Variants in CENPC observed in about 807,000 individuals in gnomAD.
CENPC encodes centromere protein C.
A neutral mutation model predicts 112.1 loss-of-function variants in CENPC; 63 were observed. The ratio of observed to expected loss-of-function variants is 0.56; its 90% CI spans 0.46 to 0.69. The LOEUF is 0.69. Ranked by LOEUF, CENPC falls within the 30% of genes least tolerant of loss-of-function variation. The pLI is 0.00. For missense variants in CENPC, 1,000 were observed against 1,103.8 expected (o/e 0.91, Z 1.33); for synonymous variants, 333 against 367.6 (o/e 0.91, Z 1.08).
In CENPC at chr4:67,512,417, C is replaced by A; in HGVS notation, c.1597G>T (p.Val533Leu). Reference sequence around the variant, plus strand: ...AAATACTTACTCTCCTCTGATTTTACCACCCACCAATCAGATGGACGCCTG... The same window carrying A: ...AAATACTTACTCTCCTCTGATTTTAACACCCACCAATCAGATGGACGCCTG... The part of the protein sequence containing the change: ...ISRRPSDWWV[V>L]KSEESPVYSN... Residue 533 changes from valine (V) to leucine (L), a missense_variant, in exon 9 of 19, where the codon GTA becomes TTA. Val to Leu is a conservative substitution (Grantham distance 32, BLOSUM62 1). Coordinates refer to ENST00000273853, the MANE Select transcript of CENPC (RefSeq NM_001812.4). 6.3e-7 allele frequency: 1 copy of A among 1,592,534 alleles called. No individual in the cohort carries two copies. Among genetic ancestry groups the A allele is most frequent in the Non-Finnish European group, 8.5e-7 (1 of 1,170,362 alleles).
In CENPC at chr4:67,508,872, C is replaced by T. The variant is rs1725809628; in HGVS notation, c.1846G>A (p.Glu616Lys). 1 of 1,613,664 alleles carries T rather than the reference C, an allele frequency of 6.2e-7. No individual in the cohort carries two copies. Among genetic ancestry groups the T allele is most frequent in the Non-Finnish European group, 8.5e-7 (1 of 1,179,742 alleles). The change falls in exon 10 of 19, where the codon GAG becomes AAG. Residue 616 changes from glutamate (E) to lysine (K), a missense_variant. Glu to Lys is a moderately conservative substitution (Grantham distance 56). Transcript: ENST00000273853. ...HDEISRCSLS[E>K]PLESDEADLA... Reference sequence around the variant, plus strand: ...TCTGCCTCATCACTTTCCAATGGCTCACTCAGCGAACATCTGGAAATTTCA... The same window carrying T: ...TCTGCCTCATCACTTTCCAATGGCTTACTCAGCGAACATCTGGAAATTTCA...
intron 17 of CENPC, among the ~76,000 whole-genome samples, chr4:67,485,987 C>T (rs374348142): frequency 7.2e-5 from 11 of 151,790 alleles, no homozygotes; most frequent in African/African-American, 2.7e-4. Context: ...GGAAAAAAGC[C>T]CCCCGAAATG....
intron 5 of CENPC, among the ~76,000 whole-genome samples, chr4:67,528,280 A>G (rs1393714039): frequency 6.6e-6 from 1 of 152,162 alleles, no homozygotes; most frequent in African/African-American, 2.4e-5. Flanking sequence ...GAGGGAGGGG[A>G]GAATGGGGAG....
Position 67,489,197 on chromosome 4 carries a change from TACACACAC to T in CENPC, c.2670+762_2670+769del, listed in dbSNP as rs33944071. On this transcript the variant is annotated intron_variant, in intron 17 of 18. Coordinates refer to ENST00000273853, the MANE Select transcript of CENPC (RefSeq NM_001812.4). ...ATATATAAAATATTCCTGTTATACA[TACACACAC>T]ACACACACACACACACATACACACA... is the stretch of plus-strand genomic sequence containing the variant. Among the ~76,000 whole-genome samples, 238 of 148,468 alleles carry T rather than the reference TACACACAC, an allele frequency of 1.6e-3. 1 individual carries two copies. The highest frequency in any genetic ancestry group is 5.6e-3 in the African/African-American group (228 of 40,584).
intron 12 of CENPC, among the ~76,000 whole-genome samples, chr4:67,504,168 C>A (rs1187552739): frequency 6.7e-6 from 1 of 149,496 alleles, no homozygotes; most frequent in Non-Finnish European, 1.5e-5. Context: ...ACCCTGGAGA[C>A]CAAGCTCTTA....
chr4:67,524,712 CATGGAT>C (rs1726324291), intron 5 of CENPC, among the ~76,000 whole-genome samples: 1 of 152,120 alleles, frequency 6.6e-6, no homozygotes, highest in Admixed American at 6.6e-5. Context: ...ATTCCATGCT[CATGGAT>C]ATGAAGAATC....
intron 17 of CENPC, among the ~76,000 whole-genome samples, chr4:67,479,050 C>T (rs1370928135): frequency 2.0e-5 from 3 of 152,088 alleles, no homozygotes; most frequent in African/African-American, 4.8e-5. Flanking sequence ...GCACCTAACA[C>T]CAGAGCTCCC....
intron 17 of CENPC, among the ~76,000 whole-genome samples, chr4:67,484,262 T>C (rs149542065): frequency 3.3e-5 from 5 of 152,348 alleles, no homozygotes; most frequent in East Asian, 1.9e-4. Context: ...TCATCCTATA[T>C]AGCCTAGGTT....
intron 17 of CENPC, among the ~76,000 whole-genome samples, chr4:67,486,279 T>G (rs1444035092): frequency 6.6e-6 from 1 of 152,200 alleles, no homozygotes; most frequent in Non-Finnish European, 1.5e-5. Flanking sequence ...CACTCCATCT[T>G]ATTTCAAAAT....
intron 5 of CENPC, among the ~76,000 whole-genome samples, chr4:67,520,129 A>G (rs1001900419): frequency 1.4e-4 from 21 of 152,186 alleles, no homozygotes; most frequent in Non-Finnish European, 2.6e-4. Flanking sequence ...GTGGAAATGC[A>G]TTCTCTGAAC....
At chr4:67,491,766 C>T (rs2109777070) in intron 16 of CENPC, among the ~76,000 whole-genome samples, 1 of 152,136 alleles carries the variant, frequency 6.6e-6, no homozygotes, top group Admixed American at 6.5e-5. Context: ...CATCTGTAGG[C>T]CCAGAAGTTT....
chr4:67,502,883 T>C (rs2109790107), intron 12 of CENPC, among the ~76,000 whole-genome samples: 1 of 152,174 alleles, frequency 6.6e-6, no homozygotes, highest in Non-Finnish European at 1.5e-5. Flanking sequence ...CCCTCAAAAA[T>C]ACCTAAAAAT....
chr4:67,503,007 T>C lies in CENPC; in HGVS notation c.2131+2198A>G, dbSNP rs570198465. ...TCTCCTTGCTTCCAACCTTCCTCCA[T>C]CCCTTCAACCCCATCAGTCAACTCC... On this transcript the variant is annotated intron_variant, in intron 12 of 18. Transcript: ENST00000273853. Among the ~76,000 whole-genome samples, 371 of 152,206 alleles carry C rather than the reference T, an allele frequency of 2.4e-3. 2 individuals are homozygous for C. The highest frequency in any genetic ancestry group is 8.3e-3 in the African/African-American group (344 of 41,524).
At chr4:67,479,921 T>C (rs1724907510) in intron 17 of CENPC, among the ~76,000 whole-genome samples, 1 of 152,112 alleles carries the variant, frequency 6.6e-6, no homozygotes, top group African/African-American at 2.4e-5. Flanking sequence ...GATAAATTCC[T>C]GGAAATATAC....
At chr4:67,508,025 T>C (rs565020360) in intron 10 of CENPC, among the ~76,000 whole-genome samples, 2 of 152,240 alleles carry the variant, frequency 1.3e-5, no homozygotes, top group African/African-American at 4.8e-5. Context: ...ATTACCTCAA[T>C]AGGTTGTTGG....
At chr4:67,493,843 A>T in intron 14 of CENPC, 41 bp downstream of exon 14, 1 of 1,398,288 alleles carries the variant, frequency 7.2e-7, no homozygotes, top group Non-Finnish European at 1.0e-6. Flanking sequence ...ATAGTAAACA[A>T]ATTTTTTATT....
intron 13 of CENPC, among the ~76,000 whole-genome samples, chr4:67,494,432 T>C (rs922281713): frequency 6.6e-6 from 1 of 152,136 alleles, no homozygotes; most frequent in African/African-American, 2.4e-5. Context: ...AACATTTTTA[T>C]TTCCCTTTCC....
Position 67,474,092 on chromosome 4 carries a change from T to A in CENPC, c.2761+796A>T, listed in dbSNP as rs1724741498. On this transcript the variant is annotated intron_variant, in intron 18 of 18. Coordinates refer to ENST00000273853, the MANE Select transcript of CENPC (RefSeq NM_001812.4). The stretch of plus-strand genomic sequence containing the variant: ...ATGTATTTTTTTTTTTGAGACCGAG[T>A]CTCACTCTGTCCCCTAGGCTGGAGT... Among the ~76,000 whole-genome samples the A allele has an allele frequency of 2.0e-5, 3 of 151,478 alleles. No individual in the cohort carries two copies. In the South Asian group the frequency reaches 6.2e-4, roughly 32 times the overall value.
intron 17 of CENPC, among the ~76,000 whole-genome samples, chr4:67,481,697 C>T (rs1032847244): frequency 2.6e-5 from 4 of 152,096 alleles, no homozygotes; most frequent in Non-Finnish European, 4.4e-5. Flanking sequence ...ACCAGTAAGG[C>T]ACAAGTAGAA....
Sources: allele counts gnomAD v4.1 joint callset (sites outside exome capture counted in the v4.1 genomes callset), GRCh38; gene constraint gnomAD v4.1.1; transcripts MANE v1.5; gene names NCBI Gene and HGNC (gene_info 2026-07-23, HGNC 2026-07-21).